ADCY1: variants seen among roughly 807,000 people sequenced by gnomAD.
The protein encoded by ADCY1 is adenylate cyclase 1.
ADCY1 carries 28 observed loss-of-function variants against 105.4 expected under a neutral mutation model. The observed-to-expected ratio is 0.27, with a 90% CI of 0.20 to 0.36. The LOEUF is 0.36. ADCY1 is among the 10% of genes least tolerant of loss of function. The probability of loss-of-function intolerance (pLI) is 1.00; values close to 1 mark genes in which losing one functional copy is unlikely to be tolerated. For missense variants in ADCY1, 977 were observed against 1,434.2 expected (o/e 0.68, Z 5.15); for synonymous variants, 655 against 623.8 (o/e 1.05, Z -0.75).
At chr7:45,668,383 T>A (rs1348960700) in intron 8 of ADCY1, among the ~76,000 whole-genome samples, 1 of 152,252 alleles carries the variant, frequency 6.6e-6, no homozygotes, top group Non-Finnish European at 1.5e-5. Context: ...TCTATTGAGA[T>A]AATCATGCAG....
At chr7:45,684,900 A>C in intron 11 of ADCY1, 79 bp from the exon 12 acceptor site, 1 of 1,304,584 alleles carries the variant, frequency 7.7e-7, no homozygotes, top group South Asian at 1.2e-5. Context: ...TGCACATTCC[A>C]CTATAGGAAG....
intron 17 of ADCY1, among the ~76,000 whole-genome samples, chr7:45,707,384 A>T (rs1036354408): frequency 6.6e-6 from 1 of 152,220 alleles, no homozygotes; most frequent in South Asian, 2.1e-4. Flanking sequence ...ATGAAAAGAC[A>T]TGGAGAAGCC....
At chr7:45,610,636 G>A (rs56230414) in intron 3 of ADCY1, 139 bp downstream of exon 3, 23 of 743,970 alleles carry the variant, frequency 3.1e-5, no homozygotes, top group Non-Finnish European at 5.1e-5. Context: ...TGGAGGTAAT[G>A]GTGAAGGTGG....
intron 3 of ADCY1, among the ~76,000 whole-genome samples, chr7:45,619,903 C>A (rs1793844833): frequency 6.6e-6 from 1 of 152,080 alleles, no homozygotes; most frequent in Admixed American, 6.5e-5. Flanking sequence ...ATTTTAATTA[C>A]CTTGATTGTG....
chr7:45,576,588 G>A lies in ADCY1; in HGVS notation c.639+1406G>A, dbSNP rs562960145. ...TGAGGAAAGGGGAAAGGAGCCAGAG[G>A]ACTTCATGTCCTGGAGGGGAAGGAG... On this transcript the variant is annotated intron_variant, in intron 1 of 19. Transcript: ENST00000297323. Among the ~76,000 whole-genome samples the A allele has an allele frequency of 9.9e-5, 15 of 152,256 alleles. No individual in the cohort carries two copies. The East Asian group carries it at 2.5e-3, about 26-fold the overall frequency.
intron 1 of ADCY1, among the ~76,000 whole-genome samples, chr7:45,579,971 C>T (rs1792479908): frequency 6.6e-6 from 1 of 151,204 alleles, no homozygotes; most frequent in African/African-American, 2.4e-5. Flanking sequence ...TCCCCCCTCG[C>T]CCCCATTTTT....
chr7:45,585,041 C>T (rs746497799), intron 1 of ADCY1, among the ~76,000 whole-genome samples: 4 of 152,208 alleles, frequency 2.6e-5, no homozygotes, highest in East Asian at 1.9e-4. Flanking sequence ...GCCAGTGCAG[C>T]GAGCCTGTGC....
intron 8 of ADCY1, among the ~76,000 whole-genome samples, chr7:45,669,864 G>A (rs1276794101): frequency 3.3e-5 from 5 of 152,220 alleles, no homozygotes; most frequent in Admixed American, 3.3e-4. Flanking sequence ...TTTTTCAAAT[G>A]GTGATAATTT....
intron 2 of ADCY1, among the ~76,000 whole-genome samples, chr7:45,604,888 A>G (rs757275886): frequency 7.9e-5 from 12 of 152,196 alleles, no homozygotes; most frequent in Non-Finnish European, 1.5e-4. Flanking sequence ...TAGGATTTAT[A>G]TTAAAACTGT....
intron 8 of ADCY1, chr7:45,664,594 G>T: frequency 9.1e-7 from 1 of 1,094,440 alleles, no homozygotes; most frequent in Non-Finnish European, 1.2e-6. Flanking sequence ...TCACAAAAAA[G>T]CTATCATGAA....
chr7:45,673,063 T>TC (rs1784393986), intron 8 of ADCY1, among the ~76,000 whole-genome samples: 2 of 152,218 alleles, frequency 1.3e-5, no homozygotes, highest in Admixed American at 1.3e-4. Flanking sequence ...CAATTGACTT[T>TC]CCTCTTTAAC....
At chr7:45,672,118 G>A (rs1375869435) in intron 8 of ADCY1, among the ~76,000 whole-genome samples, 3 of 152,040 alleles carry the variant, frequency 2.0e-5, no homozygotes, top group Non-Finnish European at 4.4e-5. Context: ...TTTTTAATAA[G>A]GTGTAAGTTT....
intron 1 of ADCY1, among the ~76,000 whole-genome samples, chr7:45,592,151 G>T (rs1792936818): frequency 6.6e-6 from 1 of 151,914 alleles, no homozygotes; most frequent in Admixed American, 6.5e-5. Context: ...TATTCTCCAG[G>T]GGTCTTGGTT....
At chr7:45,602,026 A>G (rs1181712101) in intron 2 of ADCY1, among the ~76,000 whole-genome samples, 1 of 152,068 alleles carries the variant, frequency 6.6e-6, no homozygotes, top group Non-Finnish European at 1.5e-5. Flanking sequence ...GGGACGTACT[A>G]TGGGGAAGAA....
chr7:45,625,514 T>C (rs538682895), intron 4 of ADCY1, among the ~76,000 whole-genome samples: 1 of 152,130 alleles, frequency 6.6e-6, no homozygotes, highest in African/African-American at 2.4e-5. Flanking sequence ...TGTGTGAACA[T>C]GGGTGTGCAT....
At chr7:45,675,976 T>C (rs532171023) in intron 8 of ADCY1, among the ~76,000 whole-genome samples, 1 of 152,312 alleles carries the variant, frequency 6.6e-6, no homozygotes, top group East Asian at 1.9e-4. Flanking sequence ...TTTTCTTCCT[T>C]TCGGGACTCT....
chr7:45,683,375 C>T (rs972100715), intron 11 of ADCY1, among the ~76,000 whole-genome samples: 1 of 152,116 alleles, frequency 6.6e-6, no homozygotes, highest in Admixed American at 6.5e-5. Context: ...AAAGTACCCA[C>T]CCAGGGGAAC....
intron 3 of ADCY1, among the ~76,000 whole-genome samples, chr7:45,619,359 G>A (rs969999938): frequency 2.0e-5 from 3 of 152,100 alleles, no homozygotes; most frequent in South Asian, 2.1e-4. Flanking sequence ...TAGAAGAGAC[G>A]ATATTTGAAT....
At chr7:45,682,009 A>G (rs1008303273) in intron 11 of ADCY1, among the ~76,000 whole-genome samples, 3 of 152,058 alleles carry the variant, frequency 2.0e-5, no homozygotes, top group African/African-American at 4.8e-5. Flanking sequence ...CCTCGGGGGT[A>G]TGTCAACTCC....
Sources: gnomAD v4.1 joint callset for allele counts (sites outside exome capture counted in the v4.1 genomes callset) on GRCh38, gnomAD v4.1.1 for gene constraint, MANE v1.5 for transcripts, NCBI Gene and HGNC (gene_info 2026-07-23, HGNC 2026-07-21) for gene names.